The following CERT1 variants were observed in gnomAD, a reference collection of about 807,000 sequenced individuals.
CERT1 encodes ceramide transporter 1.
Under a neutral mutation model 87.9 loss-of-function variants are expected in CERT1, and 31 were observed. The observed-to-expected ratio is 0.35, with a 90% CI of 0.27 to 0.48. The LOEUF is 0.48. Among genes scored for constraint, CERT1 ranks in the 20% least tolerant of loss-of-function variants. The probability of loss-of-function intolerance (pLI) is 0.99; values close to 1 mark genes in which losing one functional copy is unlikely to be tolerated. For missense variants in CERT1, 487 were observed against 758.0 expected (o/e 0.64, Z 4.20); for synonymous variants, 289 against 250.9 (o/e 1.15, Z -1.44).
At chr5:75,493,332 G>A (rs1308294303) in intron 2 of CERT1, among the ~76,000 whole-genome samples, 1 of 152,176 alleles carries the variant, frequency 6.6e-6, no homozygotes, top group Non-Finnish European at 1.5e-5. Flanking sequence ...CTGTAGACAT[G>A]TAAGTATGCA....
intron 8 of CERT1, among the ~76,000 whole-genome samples, chr5:75,408,632 G>A (rs1762807828): frequency 6.6e-6 from 1 of 152,142 alleles, no homozygotes; most frequent in Non-Finnish European, 1.5e-5. Flanking sequence ...AAGGAGGAAG[G>A]TTGGGAGGGA....
chr5:75,414,946 T>G (rs1413713511), intron 7 of CERT1, among the ~76,000 whole-genome samples: 1 of 152,118 alleles, frequency 6.6e-6, no homozygotes, highest in East Asian at 1.9e-4. Flanking sequence ...TGTACTTTCT[T>G]TCTCAATTCT....
At chr5:75,393,053 A>G (rs1314696271) in intron 11 of CERT1, among the ~76,000 whole-genome samples, 3 of 151,104 alleles carry the variant, frequency 2.0e-5, no homozygotes, top group African/African-American at 7.3e-5. Context: ...AAAACAAAAA[A>G]CAACAAATAT....
At chr5:75,455,072 C>T (rs1042424441) in intron 3 of CERT1, among the ~76,000 whole-genome samples, 22 of 152,174 alleles carry the variant, frequency 1.4e-4, no homozygotes, top group Admixed American at 7.9e-4. Context: ...TTCTGAATCC[C>T]GGTGAAACCA....
intron 8 of CERT1, among the ~76,000 whole-genome samples, chr5:75,406,736 C>T (rs558044405): frequency 2.6e-5 from 4 of 151,892 alleles, no homozygotes; most frequent in Admixed American, 1.3e-4. Context: ...GTAGAGAGGG[C>T]GTTTCACCAT....
intron 5 of CERT1, among the ~76,000 whole-genome samples, chr5:75,424,295 G>C (rs896445155): frequency 6.6e-6 from 1 of 152,134 alleles, no homozygotes; most frequent in African/African-American, 2.4e-5. Context: ...CTGAGAGAGA[G>C]AGGGGGCCGA....
rs2111996719 is a variant in CERT1 at position 75,382,200 on chromosome 5, AG to A, written c.1489-124del. The stretch of plus-strand genomic sequence containing the variant: ...TCAAATTTTAAATGGAAAGCATCTG[AG>A]GATATCTACCAAATGATTAATTATG... On this transcript the variant is annotated intron_variant, in intron 14 of 16. Transcript: ENST00000643780. The A allele has an allele frequency of 1.1e-5, 9 of 793,448 alleles. No individual in the cohort carries two copies. In the South Asian group the frequency reaches 1.7e-4, roughly 15 times the overall value. The allele number at this position is 793,448 out of a possible 1,614,324, so 49.2% of individuals were successfully genotyped here.
At chr5:75,418,631 A>G (rs1763242133) in intron 6 of CERT1, among the ~76,000 whole-genome samples, 1 of 152,232 alleles carries the variant, frequency 6.6e-6, no homozygotes, top group Non-Finnish European at 1.5e-5. Context: ...TGGTATATCT[A>G]TACAATAAAA....
rs542516600 is a variant in CERT1, at chr5:75,469,181, G to A, written c.232-10000C>T. The stretch of plus-strand genomic sequence containing the variant: ...AAATACAATGAATAAAATGAAAAAT[G>A]CAATAAAGAACATCAATAGCAAAAT... On this transcript the variant is annotated intron_variant, in intron 2 of 16. Transcript: ENST00000643780. Among the ~76,000 whole-genome samples the A allele has an allele frequency of 1.7e-3, 254 of 152,172 alleles. 3 individuals carry two copies. The highest frequency in any genetic ancestry group is 3.4e-3 in the Middle Eastern group (1 of 294).
At chr5:75,400,173 TGTACTTTTAG>T in intron 10 of CERT1, 22 bp downstream of exon 10, 10 of 1,368,942 alleles carry the variant, frequency 7.3e-6, no homozygotes, top group Non-Finnish European at 1.0e-5. Context: ...CAATACAAGG[TGTACTTTTAG>T]TAAACTCTGA....
chr5:75,405,809 G>A (rs572646191), intron 8 of CERT1, among the ~76,000 whole-genome samples: 1 of 145,644 alleles, frequency 6.9e-6, no homozygotes, highest in Non-Finnish European at 1.5e-5. Context: ...ATACATATAG[G>A]AAAAAACATA....
chr5:75,439,798 TG>T (rs1018314912), intron 3 of CERT1, among the ~76,000 whole-genome samples: 20 of 152,150 alleles, frequency 1.3e-4, no homozygotes, highest in African/African-American at 4.8e-4. Context: ...AAATACGCAA[TG>T]GGAACAATTT....
At chr5:75,448,413 T>TA (rs1764642303) in intron 3 of CERT1, among the ~76,000 whole-genome samples, 1 of 152,214 alleles carries the variant, frequency 6.6e-6, no homozygotes, top group Non-Finnish European at 1.5e-5. Flanking sequence ...TTTACTTTGC[T>TA]ACCTATTTTT....
chr5:75,457,330 A>G (rs578229897), intron 3 of CERT1, among the ~76,000 whole-genome samples: 1 of 152,314 alleles, frequency 6.6e-6, no homozygotes. Flanking sequence ...CTTTGAGCAG[A>G]AGTACCAACA....
chr5:75,391,671 T>C (rs1762032056), intron 11 of CERT1, among the ~76,000 whole-genome samples: 2 of 152,218 alleles, frequency 1.3e-5, no homozygotes, highest in South Asian at 4.1e-4. Flanking sequence ...ATGTATCTGA[T>C]TTCCAAAAAG....
intron 2 of CERT1, among the ~76,000 whole-genome samples, chr5:75,473,118 T>C (rs1765790428): frequency 6.6e-6 from 1 of 152,180 alleles, no homozygotes; most frequent in African/African-American, 2.4e-5. Context: ...TCTTGCTCTG[T>C]TGCCCAGGCT....
chr5:75,467,654 A>AG (rs1164258966), intron 2 of CERT1, among the ~76,000 whole-genome samples: 1 of 151,236 alleles, frequency 6.6e-6, no homozygotes, highest in Non-Finnish European at 1.5e-5. Flanking sequence ...AAAAAAGAAA[A>AG]AAAAAAAAAA....
Position 75,458,629 on chromosome 5 carries a change from G to A in CERT1, c.348+436C>T, listed in dbSNP as rs180734878. Among the ~76,000 whole-genome samples the A allele has an allele frequency of 7.3e-5, 11 of 151,574 alleles. No homozygotes were observed. In the East Asian group the frequency reaches 1.4e-3, roughly 19 times the overall value. ...TGCAGTAGCCCAATCTTGGCTTACCGCAACCTCTGCCTCCCGGATTCAAGC... is the reference window on the plus strand; with the variant it reads ...TGCAGTAGCCCAATCTTGGCTTACCACAACCTCTGCCTCCCGGATTCAAGC... On this transcript the variant is annotated intron_variant, in intron 3 of 16. Transcript: ENST00000643780.
chr5:75,374,198 GAAAA>G (rs749454395), downstream of CERT1: 1,934 of 296,762 alleles, frequency 6.5e-3, no homozygotes, highest in Middle Eastern at 0.01. Flanking sequence ...GTCACTGAAG[GAAAA>G]AAAAAAAAAA....
Sources: gnomAD v4.1 joint callset for allele counts (sites outside exome capture counted in the v4.1 genomes callset) on GRCh38, gnomAD v4.1.1 for gene constraint, MANE v1.5 for transcripts, NCBI Gene and HGNC (gene_info 2026-07-23, HGNC 2026-07-21) for gene names.